The following SVOP variants were observed in gnomAD, a reference collection of about 807,000 sequenced individuals.
SVOP encodes the protein SV2 related protein, also known as synaptic vesicle 2-related protein.
In SVOP, 17 loss-of-function variants were observed where a neutral mutation model predicts 69.1. The observed-to-expected ratio is 0.25, with a 90% CI of 0.17 to 0.37. The LOEUF is 0.37. Ranked by LOEUF, SVOP falls within the 10% of genes least tolerant of loss-of-function variation. The pLI, the probability that SVOP is intolerant of heterozygous loss-of-function variation, is 1.00. For missense variants in SVOP, 435 were observed against 597.5 expected (o/e 0.73, Z 2.84); for synonymous variants, 238 against 238.6 (o/e 1.00, Z 0.02).
At chr12:108,948,586 T>A (rs2039937344) in intron 6 of SVOP, among the ~76,000 whole-genome samples, 1 of 152,214 alleles carries the variant, frequency 6.6e-6, no homozygotes, top group Non-Finnish European at 1.5e-5. Flanking sequence ...TTGGGACAGT[T>A]TCACAGTTAT....
intron 1 of SVOP, among the ~76,000 whole-genome samples, chr12:109,017,897 A>G (rs1225071333): frequency 6.6e-6 from 1 of 151,970 alleles, no homozygotes; most frequent in Non-Finnish European, 1.5e-5. Flanking sequence ...ATTATACTAT[A>G]TAAATTATTT....
intron 5 of SVOP, among the ~76,000 whole-genome samples, chr12:108,966,213 A>G (rs1245151126): frequency 3.9e-5 from 6 of 152,114 alleles, no homozygotes; most frequent in Non-Finnish European, 7.3e-5. Flanking sequence ...TATGGAGTCT[A>G]TTTTGCAGAT....
In SVOP at chr12:109,020,287, G is replaced by A. The variant is rs144379232; in HGVS notation, c.35+547C>T. ...TCAGAAGAAGGCAAGAGGTTTCACCGACCGTGCACAGCCCTCTCATTCACA... is the reference window on the plus strand; with the variant it reads ...TCAGAAGAAGGCAAGAGGTTTCACCAACCGTGCACAGCCCTCTCATTCACA... On this transcript the variant is annotated intron_variant, in intron 1 of 15. Transcript: ENST00000610966. Among the ~76,000 whole-genome samples the A allele has an allele frequency of 4.7e-3, 711 of 152,204 alleles. 5 individuals carry two copies. Among genetic ancestry groups the A allele is most frequent in the Non-Finnish European group, 7.2e-3 (488 of 68,024 alleles).
intron 5 of SVOP, among the ~76,000 whole-genome samples, chr12:108,965,276 G>A (rs538753055): frequency 4.1e-4 from 63 of 152,318 alleles, no homozygotes; most frequent in Non-Finnish European, 8.4e-4. Context: ...AAGTAGTTGA[G>A]CAATTTGCTG....
chr12:108,954,871 A>G (rs2039976702), intron 6 of SVOP, among the ~76,000 whole-genome samples: 1 of 152,182 alleles, frequency 6.6e-6, no homozygotes, highest in Non-Finnish European at 1.5e-5. Flanking sequence ...TCTCTACCAA[A>G]AAATAGAAAA....
At chr12:108,943,588 ACT>A (rs1240168030) in intron 7 of SVOP, among the ~76,000 whole-genome samples, 14 of 112,522 alleles carry the variant, frequency 1.2e-4, no homozygotes, top group African/African-American at 4.2e-4. Context: ...ACAGAGAGAA[ACT>A]CTGTCTCACA....
intron 4 of SVOP, 63 bp downstream of exon 4, chr12:108,977,335 C>A: frequency 6.6e-7 from 1 of 1,508,776 alleles, no homozygotes; most frequent in South Asian, 1.2e-5. Flanking sequence ...AGGGAGATAT[C>A]CCACAGGACA....
At chr12:108,937,480 C>T in intron 9 of SVOP, 143 bp from the exon 10 acceptor site, 1 of 810,514 alleles carries the variant, frequency 1.2e-6, no homozygotes, top group South Asian at 1.5e-5. Flanking sequence ...ACCCAGGTCT[C>T]AAATCTACAG....
At chr12:108,921,512 ACTGTGGG>A in intron 12 of SVOP, among the ~76,000 whole-genome samples, 1 of 152,000 alleles carries the variant, frequency 6.6e-6, no homozygotes, top group Non-Finnish European at 1.5e-5. Context: ...GTTGCCCACT[ACTGTGGG>A]CAACTGGAGC....
intron 1 of SVOP, among the ~76,000 whole-genome samples, chr12:108,992,463 C>A (rs2040207797): frequency 6.6e-6 from 1 of 152,110 alleles, no homozygotes; most frequent in South Asian, 2.1e-4. Flanking sequence ...GTCGCTTGAG[C>A]CTGAGAGGTC....
intron 5 of SVOP, among the ~76,000 whole-genome samples, chr12:108,963,912 T>C (rs2040031069): frequency 6.6e-6 from 1 of 152,244 alleles, no homozygotes; most frequent in South Asian, 2.1e-4. Context: ...TGTGTTGCAT[T>C]TATTTTTGCA....
intron 1 of SVOP, among the ~76,000 whole-genome samples, chr12:109,003,031 CAG>C (rs1312413324): frequency 6.7e-6 from 1 of 150,198 alleles, no homozygotes; most frequent in East Asian, 2.0e-4. Context: ...ACAAGAAATG[CAG>C]AGTCTCAGAC....
intron 15 of SVOP, among the ~76,000 whole-genome samples, chr12:108,914,885 A>T (rs181080960): frequency 0.043 from 6,422 of 150,878 alleles, 246 homozygotes; most frequent in African/African-American, 0.096. Context: ...AAAAAAAAAA[A>T]ATTTTTTTGG....
intron 13 of SVOP, 90 bp downstream of exon 13, chr12:108,919,584 TG>T: frequency 1.0e-6 from 1 of 959,946 alleles, no homozygotes; most frequent in Non-Finnish European, 1.6e-6. Context: ...CATTAACACC[TG>T]GCCCGCACAT....
At chr12:109,005,777 T>C (rs1275193980) in intron 1 of SVOP, among the ~76,000 whole-genome samples, 3 of 151,942 alleles carry the variant, frequency 2.0e-5, no homozygotes, top group Admixed American at 2.0e-4. Flanking sequence ...ACAAAGACAG[T>C]CCCACACAAA....
chr12:109,020,701 A>T, intron 1 of SVOP, 133 bp downstream of exon 1: 40 of 419,010 alleles, frequency 9.5e-5, no homozygotes, highest in Non-Finnish European at 1.5e-4. Context: ...CCAGGCCCTA[A>T]TTCCTTCCTC....
intron 2 of SVOP, among the ~76,000 whole-genome samples, chr12:108,979,267 T>C (rs1456926225): frequency 6.6e-6 from 1 of 152,180 alleles, no homozygotes; most frequent in African/African-American, 2.4e-5. Flanking sequence ...TGAGACAGTG[T>C]CTCGCTCTGT....
chr12:108,923,685 A>C (rs2039763799), intron 11 of SVOP, among the ~76,000 whole-genome samples: 1 of 151,998 alleles, frequency 6.6e-6, no homozygotes, highest in Non-Finnish European at 1.5e-5. Flanking sequence ...GTAGGTCAGG[A>C]GTTTGTGGTA....
chr12:108,926,491 A>G (rs1466154213), intron 11 of SVOP: 1 of 152,138 alleles, frequency 6.6e-6, no homozygotes, highest in African/African-American at 2.4e-5. Context: ...GTCCATGCTA[A>G]TTTTCTCTGT....
Sources: allele counts gnomAD v4.1 joint callset (sites outside exome capture counted in the v4.1 genomes callset), GRCh38; gene constraint gnomAD v4.1.1; transcripts MANE v1.5; gene names NCBI Gene and HGNC (gene_info 2026-07-23, HGNC 2026-07-21).